Variants in CECR2 observed in about 807,000 individuals in gnomAD.
CECR2 encodes the protein CECR2 histone acetyl-lysine reader.
A neutral mutation model predicts 154.5 loss-of-function variants in CECR2; 30 were observed. That is an observed-to-expected ratio of 0.19 (90% confidence interval 0.15 to 0.26). The LOEUF is 0.26. CECR2 is among the 10% of genes least tolerant of loss of function. The pLI, the probability that CECR2 is intolerant of heterozygous loss-of-function variation, is 1.00. For synonymous variants in CECR2, 725 were observed against 683.7 expected (o/e 1.06, Z -0.94); for missense variants, 1,743 against 1,829.3 (o/e 0.95, Z 0.86).
At chr22:17,525,987 T>C (rs1223913955) in intron 9 of CECR2, among the ~76,000 whole-genome samples, 1 of 151,978 alleles carries the variant, frequency 6.6e-6, no homozygotes, top group African/African-American at 2.4e-5. Flanking sequence ...CTATAAAACA[T>C]GGAGGAAACA....
intron 16 of CECR2, among the ~76,000 whole-genome samples, chr22:17,545,499 A>G (rs1042067733): frequency 1.3e-5 from 2 of 151,912 alleles, no homozygotes; most frequent in African/African-American, 4.8e-5. Flanking sequence ...TCTAGCATGC[A>G]TGTAATTTTC....
intron 9 of CECR2, among the ~76,000 whole-genome samples, chr22:17,526,880 G>A (rs1186682119): frequency 6.7e-6 from 1 of 150,300 alleles, no homozygotes; most frequent in Non-Finnish European, 1.5e-5. Flanking sequence ...AAAAAACGTT[G>A]GAGAAACCCT....
At chr22:17,500,124 T>C (rs1347605483) in intron 4 of CECR2, among the ~76,000 whole-genome samples, 3 of 148,860 alleles carry the variant, frequency 2.0e-5, no homozygotes, top group Non-Finnish European at 4.4e-5. Context: ...GGCAGGAGAA[T>C]GGTGTGAACC....
chr22:17,499,596 C>A, intron 4 of CECR2, 47 bp downstream of exon 4: 3 of 1,527,976 alleles, frequency 2.0e-6, no homozygotes, highest in South Asian at 1.3e-5. Flanking sequence ...ATTAAAATGT[C>A]ATTAAGATTA....
intron 1 of CECR2, among the ~76,000 whole-genome samples, chr22:17,404,269 A>T (rs955340787): frequency 3.1e-5 from 1 of 32,646 alleles, no homozygotes; most frequent in Non-Finnish European, 5.9e-5. Context: ...CATCCCCCCG[A>T]CCCCCCTGCC....
At chr22:17,549,619 G>A in intron 17 of CECR2, 55 bp downstream of exon 17, 1 of 1,394,984 alleles carries the variant, frequency 7.2e-7, no homozygotes, top group South Asian at 1.4e-5. Flanking sequence ...TTTATTTTAT[G>A]TATTTATTTT....
chr22:17,391,192 A>C (rs2063322080), intron 1 of CECR2, among the ~76,000 whole-genome samples: 1 of 152,350 alleles, frequency 6.6e-6, no homozygotes, highest in Non-Finnish European at 1.5e-5. Flanking sequence ...TTCTGTAATA[A>C]CATCCAGTAA....
chr22:17,434,847 A>G (rs1302532248), intron 1 of CECR2, among the ~76,000 whole-genome samples: 2 of 152,102 alleles, frequency 1.3e-5, no homozygotes, highest in African/African-American at 2.4e-5. Context: ...GTTACAGTGA[A>G]AGGATAGTGT....
Position 17,372,609 on chromosome 22 carries a change from A to C in CECR2, c.126+2700A>C, listed in dbSNP as rs2063073696. 3.3e-5 allele frequency among the ~76,000 whole-genome samples: 5 copies of C among 152,158 alleles called. No homozygotes were observed. The South Asian group carries it at 1.0e-3, about 32-fold the overall frequency. On this transcript the variant is annotated intron_variant, in intron 1 of 18. Transcript: ENST00000262608. ...CTTGAACCCGGTAGGCGGAGGTGGC[A>C]GCGAGCCGAGATCGTGCCATTGCAC...
chr22:17,463,210 G>C (rs528723297), intron 1 of CECR2, among the ~76,000 whole-genome samples: 1 of 152,176 alleles, frequency 6.6e-6, no homozygotes, highest in Non-Finnish European at 1.5e-5. Context: ...GTATGAGTTA[G>C]GGAGGTGATC....
chr22:17,497,333 C>G (rs2055647930), intron 2 of CECR2, 70 bp from the exon 3 acceptor site: 1 of 1,440,628 alleles, frequency 6.9e-7, no homozygotes, highest in African/African-American at 1.4e-5. Flanking sequence ...TGAGTTCTCT[C>G]TCTCTCTCCT....
chr22:17,434,094 C>T (rs1235367575), intron 1 of CECR2, among the ~76,000 whole-genome samples: 2 of 137,768 alleles, frequency 1.5e-5, no homozygotes, highest in Non-Finnish European at 3.0e-5. Context: ...AGTGAAATAA[C>T]GTATTTCACT....
chr22:17,498,755 C>CT (rs1434973842), intron 3 of CECR2, among the ~76,000 whole-genome samples: 8 of 131,146 alleles, frequency 6.1e-5, no homozygotes, highest in Non-Finnish European at 1.1e-4. Flanking sequence ...TTGTACTTGT[C>CT]TTTCTTTTCG....
rs1487053370 is a variant in CECR2 at position 17,521,760 on chromosome 22, A to G, written c.955-2358A>G. 1.1e-4 allele frequency among the ~76,000 whole-genome samples: 17 copies of G among 152,170 alleles called. No individual in the cohort carries two copies. The East Asian group carries it at 3.1e-3, about 28-fold the overall frequency. Reference sequence around the variant, plus strand: ...TGCAGAAGCTCTTTAGTTTAATTAGATCCCATTTGTCTGTTTTGGCTTTTG... The same window carrying G: ...TGCAGAAGCTCTTTAGTTTAATTAGGTCCCATTTGTCTGTTTTGGCTTTTG... On this transcript the variant is annotated intron_variant, in intron 8 of 18. Coordinates refer to ENST00000262608, the MANE Select transcript of CECR2 (RefSeq NM_001290047.2).
At chr22:17,491,783 T>G (rs1410681828) in intron 2 of CECR2, among the ~76,000 whole-genome samples, 5 of 152,220 alleles carry the variant, frequency 3.3e-5, no homozygotes, top group African/African-American at 1.2e-4. Flanking sequence ...TTATTCACTT[T>G]CTTGGTTACC....
chr22:17,458,229 A>G (rs188536657), intron 1 of CECR2, among the ~76,000 whole-genome samples: 105 of 152,254 alleles, frequency 6.9e-4, no homozygotes, highest in Admixed American at 1.2e-3. Context: ...AGCCTGGCCA[A>G]GATGGTGAAA....
chr22:17,372,864 G>C (rs5992034), intron 1 of CECR2, among the ~76,000 whole-genome samples: 2 of 151,762 alleles, frequency 1.3e-5, no homozygotes, highest in African/African-American at 4.9e-5. Flanking sequence ...GATCTCACCA[G>C]GCTGAACTCA....
intron 2 of CECR2, among the ~76,000 whole-genome samples, chr22:17,495,129 T>C (rs2055599822): frequency 6.6e-6 from 1 of 152,228 alleles, no homozygotes; most frequent in Admixed American, 6.5e-5. Context: ...TACCAATAAC[T>C]TCTTTAGGCC....
chr22:17,434,033 A>G (rs2054466240), intron 1 of CECR2, among the ~76,000 whole-genome samples: 1 of 152,230 alleles, frequency 6.6e-6, no homozygotes, highest in Non-Finnish European at 1.5e-5. Context: ...TAAGGTCACT[A>G]GAGATCATTT....
Sources: gnomAD v4.1 joint callset for allele counts (sites outside exome capture counted in the v4.1 genomes callset) on GRCh38, gnomAD v4.1.1 for gene constraint, MANE v1.5 for transcripts, NCBI Gene and HGNC (gene_info 2026-07-23, HGNC 2026-07-21) for gene names.